The following FRAS1 variants were observed in gnomAD, a reference collection of about 807,000 sequenced individuals.
FRAS1 encodes the protein extracellular matrix organizing protein FRAS1.
A neutral mutation model predicts 435.2 loss-of-function variants in FRAS1; 290 were observed. The observed-to-expected ratio is 0.67, with a 90% CI of 0.61 to 0.73. The LOEUF is 0.73. FRAS1 is among the 30% of genes least tolerant of loss of function. The pLI is 0.00. For missense variants in FRAS1, 4,860 were observed against 5,001.5 expected, an observed-to-expected ratio of 0.97 and a Z score of 0.85; for synonymous variants, 1,800 against 1,851.0, an observed-to-expected ratio of 0.97 and a Z score of 0.71.
At chr4:78,088,473 C>A (rs1430996866) in intron 2 of FRAS1, among the ~76,000 whole-genome samples, 1 of 151,712 alleles carries the variant, frequency 6.6e-6, no homozygotes, top group Non-Finnish European at 1.5e-5. Context: ...AAAGAAACTA[C>A]CATCAGAGTG....
intron 2 of FRAS1, among the ~76,000 whole-genome samples, chr4:78,141,343 T>C (rs748096779): frequency 1.3e-5 from 2 of 152,254 alleles, no homozygotes; most frequent in South Asian, 2.1e-4. Context: ...TAGGGATAAA[T>C]TGAAGTGGGT....
At chr4:78,402,962 C>T (rs1732955136) in intron 30 of FRAS1, among the ~76,000 whole-genome samples, 1 of 152,148 alleles carries the variant, frequency 6.6e-6, no homozygotes, top group Non-Finnish European at 1.5e-5. Flanking sequence ...CATAATCTCA[C>T]TGCGTCTTAT....
At chr4:78,420,336 G>A (rs1056500124) in intron 33 of FRAS1, among the ~76,000 whole-genome samples, 4 of 152,132 alleles carry the variant, frequency 2.6e-5, no homozygotes, top group Non-Finnish European at 4.4e-5. Flanking sequence ...TGCCAGAGTC[G>A]AGATGGAGCC....
intron 18 of FRAS1, among the ~76,000 whole-genome samples, chr4:78,323,093 T>C (rs1729571861): frequency 6.6e-6 from 1 of 152,168 alleles, no homozygotes; most frequent in Non-Finnish European, 1.5e-5. Flanking sequence ...TTGTATGCAT[T>C]TGTCCTGTGC....
intron 2 of FRAS1, among the ~76,000 whole-genome samples, chr4:78,154,347 A>G (rs1235418690): frequency 2.0e-5 from 3 of 152,154 alleles, no homozygotes; most frequent in Admixed American, 6.6e-5. Context: ...AAAATAGGAC[A>G]TTGAGGTTTA....
rs2109911558 is a variant in FRAS1 at position 78,540,734 on chromosome 4, G to C, written c.11649G>C (p.Met3883Ile). ...ACCAAGTCAAGAATGGCACCAATATGAAGTCCCTGAATCTGGAGATGCAAG... is the reference window on the plus strand; with the variant it reads ...ACCAAGTCAAGAATGGCACCAATATCAAGTCCCTGAATCTGGAGATGCAAG... ...EGDQVKNGTN[M>I]KSLNLEMQEL... Residue 3883 changes from methionine (M) to isoleucine (I), a missense_variant, in exon 74 of 74, where the codon ATG becomes ATC. Coordinates refer to ENST00000512123, the MANE Select transcript of FRAS1 (RefSeq NM_025074.7). The C allele has an allele frequency of 6.2e-7, 1 of 1,613,764 alleles. No individual in the cohort carries two copies. Among genetic ancestry groups the C allele is most frequent in the Middle Eastern group, 1.6e-4 (1 of 6,062 alleles).
chr4:78,484,205 T>C (rs1344284550), intron 58 of FRAS1, among the ~76,000 whole-genome samples: 2 of 152,240 alleles, frequency 1.3e-5, no homozygotes, highest in Non-Finnish European at 2.9e-5. Context: ...GACTCATTCA[T>C]GTTATTGCAT....
intron 2 of FRAS1, among the ~76,000 whole-genome samples, chr4:78,127,787 T>C (rs928987967): frequency 6.6e-6 from 1 of 152,118 alleles, no homozygotes; most frequent in Non-Finnish European, 1.5e-5. Flanking sequence ...TTAGGGTACA[T>C]GTGCGCAACG....
intron 35 of FRAS1, among the ~76,000 whole-genome samples, chr4:78,426,369 T>C (rs1733997868): frequency 6.6e-6 from 1 of 152,332 alleles, no homozygotes; most frequent in Middle Eastern, 3.4e-3. Context: ...CCCATGGGCC[T>C]AGACCTTGGG....
At chr4:78,298,361 C>T (rs1287225770) in intron 14 of FRAS1, among the ~76,000 whole-genome samples, 25 of 150,772 alleles carry the variant, frequency 1.7e-4, no homozygotes, top group Non-Finnish European at 4.4e-5. Flanking sequence ...ATACACACAC[C>T]TTATAATATC....
intron 2 of FRAS1, among the ~76,000 whole-genome samples, chr4:78,097,160 C>G (rs1484328151): frequency 6.6e-6 from 1 of 152,186 alleles, no homozygotes; most frequent in Non-Finnish European, 1.5e-5. Flanking sequence ...TAAAACATAA[C>G]AAGAGTCACC....
intron 66 of FRAS1, among the ~76,000 whole-genome samples, chr4:78,518,535 T>C (rs1031768365): frequency 6.6e-5 from 10 of 151,478 alleles, no homozygotes; most frequent in African/African-American, 2.4e-4. Flanking sequence ...CACACACATA[T>C]ACAGCTAGCT....
chr4:78,339,256 G>C (rs1016845172), intron 20 of FRAS1, among the ~76,000 whole-genome samples: 1 of 152,170 alleles, frequency 6.6e-6, no homozygotes, highest in Admixed American at 6.5e-5. Context: ...AGATATGGAG[G>C]AGCAGCTACT....
chr4:78,126,899 A>T (rs1239753582), intron 2 of FRAS1, among the ~76,000 whole-genome samples: 1 of 152,174 alleles, frequency 6.6e-6, no homozygotes, highest in African/African-American at 2.4e-5. Context: ...AGATTAGTGG[A>T]ACCTTGATGT....
At chr4:78,399,669 G>A (rs62309936) in intron 29 of FRAS1, among the ~76,000 whole-genome samples, 21,226 of 152,056 alleles carry the variant, frequency 0.14, 1,866 homozygotes, top group African/African-American at 0.25. Context: ...ACTTTCAATC[G>A]GCCATCAGGT....
intron 57 of FRAS1, 134 bp downstream of exon 57, chr4:78,482,098 A>T: frequency 2.1e-6 from 2 of 952,278 alleles, no homozygotes; most frequent in Non-Finnish European, 3.1e-6. Flanking sequence ...ACACACATAC[A>T]TAAACAAGAG....
chr4:78,089,455 G>A (rs1280853832), intron 2 of FRAS1, among the ~76,000 whole-genome samples: 1 of 151,882 alleles, frequency 6.6e-6, no homozygotes, highest in Admixed American at 6.6e-5. Flanking sequence ...AAAAATAACA[G>A]TATGTTAAGA....
intron 2 of FRAS1, among the ~76,000 whole-genome samples, chr4:78,130,132 T>C (rs1719611438): frequency 6.6e-6 from 1 of 152,190 alleles, no homozygotes. Flanking sequence ...TTGCTCTTCC[T>C]CTCTACCTTG....
chr4:78,233,105 T>A (rs1724585794), intron 2 of FRAS1, among the ~76,000 whole-genome samples: 1 of 152,254 alleles, frequency 6.6e-6, no homozygotes. Flanking sequence ...TATAATGGAC[T>A]GCTTTCAAGT....
Sources: allele counts gnomAD v4.1 joint callset (sites outside exome capture counted in the v4.1 genomes callset), GRCh38; gene constraint gnomAD v4.1.1; transcripts MANE v1.5; gene names NCBI Gene and HGNC (gene_info 2026-07-23, HGNC 2026-07-21).